Variants in RSPH10B observed in about 807,000 individuals in gnomAD.
RSPH10B encodes radial spoke head 10 homolog B (Chlamydomonas).
A neutral mutation model predicts 52.5 loss-of-function variants in RSPH10B; 7 were observed. The ratio of observed to expected loss-of-function variants is 0.13; its 90% CI spans 0.08 to 0.25. The LOEUF (loss-of-function observed/expected upper bound fraction) is 0.25. Among genes scored for constraint, RSPH10B ranks in the 10% least tolerant of loss-of-function variants. The probability of loss-of-function intolerance (pLI) is 1.00; values close to 1 mark genes in which losing one functional copy is unlikely to be tolerated. For missense variants in RSPH10B, 89 were observed against 542.5 expected (o/e 0.16, Z 8.30); for synonymous variants, 28 against 193.2 (o/e 0.14, Z 7.09).
chr7:5,938,628 G>GAA, intron 14 of RSPH10B, 94 bp downstream of exon 16: 2 of 63,888 alleles, frequency 3.1e-5, no homozygotes, highest in South Asian at 1.8e-4. Flanking sequence ...ATGAAAAAAA[G>GAA]AAAAAAAAAA....
At chr7:5,940,196 AAAT>A (rs57148359) in intron 13 of RSPH10B, among the ~76,000 whole-genome samples, 1 of 40,386 alleles carries the variant, frequency 2.5e-5, no homozygotes, top group Non-Finnish European at 5.6e-5. Context: ...GACTGTCTCA[AAAT>A]AATAATAATA....
At chr7:5,956,576 T>G (rs1209160763) in intron 6 of RSPH10B, among the ~76,000 whole-genome samples, 1 of 136,546 alleles carries the variant, frequency 7.3e-6, no homozygotes, top group Non-Finnish European at 1.6e-5. Flanking sequence ...TGCTTTTATA[T>G]ATTTTTATTT....
At chr7:5,931,274 TG>T (rs1306278215) in intron 17 of RSPH10B, among the ~76,000 whole-genome samples, 1 of 150,022 alleles carries the variant, frequency 6.7e-6, no homozygotes, top group Non-Finnish European at 1.5e-5. Context: ...AGCACATGTG[TG>T]CCGATGGGAA....
chr7:5,933,452 A>G (rs1476599259), intron 16 of RSPH10B, among the ~76,000 whole-genome samples: 3 of 128,220 alleles, frequency 2.3e-5, no homozygotes, highest in East Asian at 4.1e-4. Context: ...TTGGTACAGT[A>G]TTTATTGTAT....
intron 17 of RSPH10B, among the ~76,000 whole-genome samples, 173 bp from the exon 20 acceptor site, chr7:5,928,567 C>G (rs1779648915): frequency 1.3e-5 from 2 of 151,182 alleles, no homozygotes; most frequent in South Asian, 4.2e-4. Context: ...GGCAGGGGCT[C>G]AGCAGACCCT....
chr7:5,955,273 G>A (rs1340496227), intron 7 of RSPH10B, among the ~76,000 whole-genome samples: 1 of 90,338 alleles, frequency 1.1e-5, no homozygotes, highest in East Asian at 8.1e-4. Context: ...TTGTCAAAAA[G>A]AGTTCTGTAG....
Position 5,940,940 on chromosome 7 carries a change from A to AT in RSPH10B, c.1759-2112dup, listed in dbSNP as rs1175933579. On this transcript the variant is annotated intron_variant, in intron 13 of 18. Transcript: ENST00000337579. ...GACTGTCAAAATAATAATAATAATA[A>AT]TAATTATTATTATTATTATTATTAT... is the stretch of plus-strand genomic sequence containing the variant. Among the ~76,000 whole-genome samples, 204 of 39,558 alleles carry AT rather than the reference A, an allele frequency of 5.2e-3. 11 individuals carry two copies. Among genetic ancestry groups the AT allele is most frequent in the African/African-American group, 0.012 (175 of 14,914 alleles). The allele number at this position is 39,558 out of a possible 152,430, so 26.0% of individuals were successfully genotyped here. A position where few individuals can be genotyped will look rare whatever the true frequency, so the allele number is the denominator to read the frequency against.
intron 15 of RSPH10B, among the ~76,000 whole-genome samples, chr7:5,937,264 CATAAA>C (rs1779972389): frequency 7.1e-6 from 1 of 139,978 alleles, no homozygotes; most frequent in South Asian, 2.2e-4. Flanking sequence ...TCTCAAAACA[CATAAA>C]ATAAAATTTT....
At chr7:5,943,166 G>A (rs1047108298) in intron 13 of RSPH10B, 158 bp downstream of exon 15, 65 of 1,462,678 alleles carry the variant, frequency 4.4e-5, no homozygotes, top group Admixed American at 7.1e-5. Flanking sequence ...ACAGACCACT[G>A]TTCTGCCAAG....
At chr7:5,943,876 G>A (rs1780350226) in intron 12 of RSPH10B, 35 bp downstream of exon 14, 1 of 1,607,264 alleles carries the variant, frequency 6.2e-7, no homozygotes, top group East Asian at 2.2e-5. Context: ...AAAAAAATGG[G>A]GCGGTAAATA....
intron 3 of RSPH10B, among the ~76,000 whole-genome samples, chr7:5,961,424 C>T (rs1357259681): frequency 2.2e-5 from 3 of 136,378 alleles, no homozygotes; most frequent in Non-Finnish European, 3.3e-5. Flanking sequence ...ACTGCAACCT[C>T]TGCCTCCCAG....
chr7:5,928,607 T>C (rs1461562063), intron 17 of RSPH10B, among the ~76,000 whole-genome samples: 1 of 149,414 alleles, frequency 6.7e-6, no homozygotes. Context: ...CCCTTTGAGT[T>C]TCCTGCTACC....
chr7:5,944,273 C>T (rs982890579), intron 11 of RSPH10B, among the ~76,000 whole-genome samples: 9 of 150,698 alleles, frequency 6.0e-5, no homozygotes, highest in Admixed American at 2.0e-4. Flanking sequence ...TGGCAGACAC[C>T]GGTAATCCCA....
chr7:5,943,726 A>C (rs1363323774), intron 12 of RSPH10B, among the ~76,000 whole-genome samples, 185 bp downstream of exon 14: 1 of 150,770 alleles, frequency 6.6e-6, no homozygotes, highest in Non-Finnish European at 1.5e-5. Context: ...TTGTATTTCT[A>C]GTAGAGATGG....
chr7:5,927,337 G>T (rs1779551499), intron 18 of RSPH10B, among the ~76,000 whole-genome samples: 1 of 56,098 alleles, frequency 1.8e-5, no homozygotes, highest in Non-Finnish European at 3.6e-5. Context: ...TCCTGCCTTG[G>T]CACCCCAAAG....
chr7:5,927,859 C>T (rs1779584945), intron 18 of RSPH10B, among the ~76,000 whole-genome samples: 2 of 146,832 alleles, frequency 1.4e-5, no homozygotes, highest in African/African-American at 5.1e-5. Context: ...TCGCTTGAAC[C>T]CGGGAGGCGG....
intron 17 of RSPH10B, among the ~76,000 whole-genome samples, chr7:5,929,359 C>G (rs1283012392): frequency 8.4e-6 from 1 of 119,740 alleles, no homozygotes; most frequent in Non-Finnish European, 1.7e-5. Context: ...ATTATAGAGA[C>G]AAGGTTTCGC....
intron 17 of RSPH10B, among the ~76,000 whole-genome samples, chr7:5,931,795 G>A (rs2128622585): frequency 6.6e-6 from 1 of 151,168 alleles, no homozygotes; most frequent in South Asian, 2.1e-4. Flanking sequence ...GAGGTCAGGA[G>A]TTTGAGACCA....
exon 13 of RSPH10B, chr7:5,943,397 G>C: frequency 6.2e-7 from 1 of 1,604,016 alleles, no homozygotes; most frequent in Non-Finnish European, 8.5e-7. Context: ...TCTGCAGTAA[G>C]CGAGATAAAT....
Sources: allele counts gnomAD v4.1 joint callset (sites outside exome capture counted in the v4.1 genomes callset), GRCh38; gene constraint gnomAD v4.1.1; transcripts MANE v1.5; gene names NCBI Gene and HGNC (gene_info 2026-07-23, HGNC 2026-07-21).